The following SLC60A1 variants were observed in gnomAD, a reference collection of about 807,000 sequenced individuals.
The protein encoded by SLC60A1 is major facilitator superfamily domain containing 4.
the SLC60A1 span, chr1:205,597,448 G>A: frequency 6.1e-6 from 1 of 163,078 alleles, no homozygotes; most frequent in South Asian, 1.6e-4. Context: ...GAGTGCAGTG[G>A]TGCGATCATG....
the SLC60A1 span, chr1:205,600,706 G>A: frequency 2.1e-6 from 1 of 484,530 alleles, no homozygotes. Flanking sequence ...GAGCTGTCCA[G>A]ATACCCAGAT....
the SLC60A1 span, chr1:205,592,110 T>G: frequency 6.2e-7 from 1 of 1,612,624 alleles, no homozygotes; most frequent in Non-Finnish European, 8.5e-7. Context: ...TTTTCGCAAT[T>G]CCTAACCGCC....
chr1:205,597,883 T>G, the SLC60A1 span: 1 of 1,603,170 alleles, frequency 6.2e-7, no homozygotes, highest in East Asian at 2.2e-5. Context: ...GAGGGGAGCA[T>G]TTGGGGAGCA....
chr1:205,580,296 A>AG, the SLC60A1 span, among the ~76,000 whole-genome samples: 1 of 151,872 alleles, frequency 6.6e-6, no homozygotes, highest in Non-Finnish European at 1.5e-5. This position sits in a 1 kb window ranked among gnomAD's most constrained non-coding sequence, Gnocchi z 5.0. Context: ...CCCAGGATTC[A>AG]GCCAGCCCTT....
the SLC60A1 span, among the ~76,000 whole-genome samples, chr1:205,582,308 T>G: frequency 3.4e-3 from 515 of 152,326 alleles, 3 homozygotes; most frequent in African/African-American, 0.012. Context: ...GGACTTTGTT[T>G]GCTGCAGGAT....
the SLC60A1 span, chr1:205,585,980 G>A: frequency 6.6e-7 from 1 of 1,515,426 alleles, no homozygotes; most frequent in South Asian, 1.3e-5. The surrounding 1 kb of genome is among the most constrained non-coding windows in gnomAD (Gnocchi z 4.2). Flanking sequence ...CTTTGTGAGG[G>A]TCATTGTCTG....
chr1:205,569,768 G>A, the SLC60A1 span, among the ~76,000 whole-genome samples: 1 of 152,144 alleles, frequency 6.6e-6, no homozygotes, highest in African/African-American at 2.4e-5. Flanking sequence ...CTGTGGCGGT[G>A]CAGGGTGCTG....
chr1:205,597,373 G>GTTTTTTGTTTTTTTTTTTTTTTT, the SLC60A1 span, among the ~76,000 whole-genome samples: 1 of 37,228 alleles, frequency 2.7e-5, no homozygotes. Flanking sequence ...AACCTAGGTT[G>GTTTTTTGTTTTTTTTTTTTTTTT]TTTTTTTTTT....
At chr1:205,584,806 G>A in the SLC60A1 span, 14 of 1,416,816 alleles carry the variant, frequency 9.9e-6, no homozygotes, top group East Asian at 1.8e-4. Context: ...TGCCAGCCAC[G>A]GCCCTGGGAC....
chr1:205,570,837 C>G, the SLC60A1 span, among the ~76,000 whole-genome samples: 1 of 152,118 alleles, frequency 6.6e-6, no homozygotes, highest in Non-Finnish European at 1.5e-5. Flanking sequence ...GCTCCTTTAC[C>G]TGGAACTTTT....
chr1:205,592,699 G>A, the SLC60A1 span, among the ~76,000 whole-genome samples: 461 of 152,220 alleles, frequency 3.0e-3, 1 homozygote, highest in Middle Eastern at 0.01. Flanking sequence ...TGACCCGCTG[G>A]GCTCCCTCCA....
chr1:205,580,882 C>T, the SLC60A1 span: 11 of 1,614,024 alleles, frequency 6.8e-6, no homozygotes, highest in Non-Finnish European at 9.3e-6. This position sits in a 1 kb window ranked among gnomAD's most constrained non-coding sequence, Gnocchi z 5.0. Context: ...GGGCAGGGAC[C>T]CGAGTGTCCT....
chr1:205,593,481 G>A, the SLC60A1 span, among the ~76,000 whole-genome samples: 1 of 149,094 alleles, frequency 6.7e-6, no homozygotes, highest in Non-Finnish European at 1.5e-5. Context: ...AAAGATGAGC[G>A]ATTTCTTTAG....
the SLC60A1 span, among the ~76,000 whole-genome samples, chr1:205,593,297 C>T: frequency 3.3e-5 from 5 of 151,642 alleles, no homozygotes; most frequent in South Asian, 6.3e-4. Flanking sequence ...GCTGAAACCC[C>T]GTCTCTACTA....
the SLC60A1 span, among the ~76,000 whole-genome samples, chr1:205,574,043 G>C: frequency 1.3e-5 from 2 of 152,116 alleles, no homozygotes; most frequent in African/African-American, 4.8e-5. Context: ...TCTAAAGGTA[G>C]ATTGTAGTGA....
chr1:205,573,079 A>G, the SLC60A1 span, among the ~76,000 whole-genome samples: 2,866 of 152,186 alleles, frequency 0.019, 95 homozygotes, highest in African/African-American at 0.066. Flanking sequence ...CCTGGGCAGC[A>G]CAGTGAGACT....
the SLC60A1 span, among the ~76,000 whole-genome samples, chr1:205,585,453 C>T: frequency 6.6e-6 from 1 of 152,182 alleles, no homozygotes; most frequent in South Asian, 2.1e-4. This position sits in a 1 kb window ranked among gnomAD's most constrained non-coding sequence, Gnocchi z 4.2. Context: ...ACCTCTGTTA[C>T]ATTAGTTAGC....
the SLC60A1 span, among the ~76,000 whole-genome samples, chr1:205,579,233 G>A: frequency 3.9e-5 from 6 of 152,282 alleles, no homozygotes; most frequent in South Asian, 4.1e-4. Flanking sequence ...CTCAGGCCGG[G>A]TGCCTGTGAA....
the SLC60A1 span, among the ~76,000 whole-genome samples, chr1:205,570,987 T>C: frequency 5.3e-5 from 8 of 152,140 alleles, no homozygotes; most frequent in Non-Finnish European, 1.2e-4. Context: ...GTTTTGTATC[T>C]TCCTCAGCAC....
Sources: gnomAD v4.1 joint callset for allele counts (sites outside exome capture counted in the v4.1 genomes callset) on GRCh38, gnomAD v4.1.1 for gene constraint, Gnocchi (gnomAD v3.1) non-coding constraint, MANE v1.5 for transcripts, NCBI Gene and HGNC (gene_info 2026-07-23, HGNC 2026-07-21) for gene names.